Variants in KCNIP4 observed in about 807,000 individuals in gnomAD.
KCNIP4 encodes the protein Kv channel-interacting protein 4.
KCNIP4 carries 12 observed loss-of-function variants against 34.0 expected under a neutral mutation model. That is an observed-to-expected ratio of 0.35 (90% CI 0.23 to 0.57). KCNIP4 has a LOEUF of 0.57. Among genes scored for constraint, KCNIP4 ranks in the 20% least tolerant of loss-of-function variants. The pLI is 0.83. For missense variants in KCNIP4, 238 were observed against 311.7 expected, an observed-to-expected ratio of 0.76 and a Z score of 1.78; for synonymous variants, 124 against 102.2, an observed-to-expected ratio of 1.21 and a Z score of -1.29.
intron 1 of KCNIP4, among the ~76,000 whole-genome samples, chr4:21,877,583 C>T (rs974945809): frequency 6.6e-6 from 1 of 152,228 alleles, no homozygotes; most frequent in Middle Eastern, 3.4e-3. Flanking sequence ...AATGGCCACA[C>T]TGAATTTCCG....
intron 1 of KCNIP4, among the ~76,000 whole-genome samples, chr4:21,323,461 A>G (rs1714710374): frequency 1.3e-5 from 2 of 152,078 alleles, no homozygotes; most frequent in South Asian, 4.1e-4. Context: ...CTGTATCTTC[A>G]TGAGTTAAAT....
At chr4:21,247,576 T>C (rs550076023) in intron 1 of KCNIP4, among the ~76,000 whole-genome samples, 1 of 131,788 alleles carries the variant, frequency 7.6e-6, no homozygotes, top group African/African-American at 3.5e-5. Context: ...TAGATATAAA[T>C]ACATATATAT....
intron 1 of KCNIP4, among the ~76,000 whole-genome samples, chr4:20,973,312 A>G (rs78078503): frequency 0.024 from 3,674 of 152,308 alleles, 156 homozygotes; most frequent in African/African-American, 0.084. Flanking sequence ...TTCTTTCCTT[A>G]AACCTCATGA....
intron 1 of KCNIP4, among the ~76,000 whole-genome samples, chr4:21,207,052 T>A (rs1176027581): frequency 6.6e-6 from 1 of 152,228 alleles, no homozygotes; most frequent in East Asian, 1.9e-4. Context: ...TAGCATTTAC[T>A]TTCCTAGCCT....
intron 1 of KCNIP4, among the ~76,000 whole-genome samples, chr4:20,937,222 C>CTTTTTTTTT (rs397992488): frequency 2.2e-5 from 1 of 45,524 alleles, no homozygotes; most frequent in African/African-American, 8.4e-5. Flanking sequence ...CCCAAGGAGT[C>CTTTTTTTTT]TTTTTTTTTT....
chr4:20,911,110 T>C (rs1383371810), intron 1 of KCNIP4, among the ~76,000 whole-genome samples: 1 of 152,178 alleles, frequency 6.6e-6, no homozygotes, highest in African/African-American at 2.4e-5. Context: ...CAAATCTAGT[T>C]TGTTTTAGCT....
intron 1 of KCNIP4, among the ~76,000 whole-genome samples, chr4:21,771,760 T>C (rs775691085): frequency 1.4e-4 from 21 of 152,196 alleles, no homozygotes; most frequent in Admixed American, 1.4e-3. Context: ...ATGCTTGTGA[T>C]TTTTGCACAA....
intron 1 of KCNIP4, among the ~76,000 whole-genome samples, chr4:21,905,436 G>T (rs570527509): frequency 1.4e-4 from 21 of 152,034 alleles, no homozygotes; most frequent in African/African-American, 1.9e-4. Context: ...TTAAGTTTTA[G>T]GGTACATGTG....
intron 1 of KCNIP4, among the ~76,000 whole-genome samples, chr4:21,743,452 T>C (rs895898462): frequency 1.3e-5 from 2 of 151,398 alleles, no homozygotes; most frequent in African/African-American, 4.9e-5. Flanking sequence ...TACATCAGGC[T>C]CACCCAGGAA....
intron 3 of KCNIP4, among the ~76,000 whole-genome samples, chr4:20,803,470 CAAAAA>C (rs551176038): frequency 3.3e-4 from 28 of 85,872 alleles, no homozygotes; most frequent in Non-Finnish European, 4.4e-4. Context: ...TCATCTTTAC[CAAAAA>C]AAAAAAAAAA....
intron 3 of KCNIP4, among the ~76,000 whole-genome samples, chr4:20,780,866 TTGAA>T (rs1217357369): frequency 6.6e-6 from 1 of 152,218 alleles, no homozygotes; most frequent in Admixed American, 6.5e-5. Context: ...TTAAGATACT[TTGAA>T]TGGGTTTTTG....
intron 1 of KCNIP4, among the ~76,000 whole-genome samples, chr4:21,905,336 TTGAGTTA>T (rs1428237474): frequency 4.8e-4 from 73 of 152,294 alleles, no homozygotes; most frequent in African/African-American, 1.6e-3. Flanking sequence ...CAACTCTGCA[TTGAGTTA>T]TGCCAGTTTG....
intron 1 of KCNIP4, among the ~76,000 whole-genome samples, chr4:20,940,187 C>G (rs991888011): frequency 2.0e-5 from 3 of 152,182 alleles, no homozygotes; most frequent in Non-Finnish European, 4.4e-5. Context: ...CATTAAGGCA[C>G]AGCCCAGTCA....
intron 1 of KCNIP4, among the ~76,000 whole-genome samples, chr4:21,205,852 C>T (rs1376180211): frequency 6.6e-6 from 1 of 152,190 alleles, no homozygotes; most frequent in Non-Finnish European, 1.5e-5. Context: ...CTAGATTGGG[C>T]TTCAAAGCCC....
At chr4:21,149,532 G>A (rs1365718323) in intron 1 of KCNIP4, among the ~76,000 whole-genome samples, 3 of 152,136 alleles carry the variant, frequency 2.0e-5, no homozygotes, top group African/African-American at 4.8e-5. Flanking sequence ...TAGGAGTTCC[G>A]AGAAGTTGAT....
At chr4:20,935,055 T>C (rs1286720434) in intron 1 of KCNIP4, among the ~76,000 whole-genome samples, 1 of 152,190 alleles carries the variant, frequency 6.6e-6, no homozygotes, top group Non-Finnish European at 1.5e-5. Context: ...CATGTCTCCA[T>C]GTCTCCAAAT....
At chr4:21,762,073 A>G (rs573530350) in intron 1 of KCNIP4, among the ~76,000 whole-genome samples, 1 of 152,282 alleles carries the variant, frequency 6.6e-6, no homozygotes, top group Non-Finnish European at 1.5e-5. Context: ...CAAAAATATA[A>G]TATGTGCCAC....
In KCNIP4 at chr4:21,652,087, T is replaced by C. The variant is rs114641373; in HGVS notation, c.61+296484A>G. ...TACACCTCTAACACTTCTATATTTA[T>C]TTATTTGCTCATCCATCTAATCTTC... On this transcript the variant is annotated intron_variant, in intron 1 of 8. Coordinates refer to ENST00000382152, the MANE Select transcript of KCNIP4 (RefSeq NM_025221.6). Among the ~76,000 whole-genome samples the C allele has an allele frequency of 3.6e-3, 553 of 152,284 alleles. 3 individuals are homozygous for C. Among genetic ancestry groups the C allele is most frequent in the African/African-American group, 0.013 (530 of 41,574 alleles).
intron 1 of KCNIP4, among the ~76,000 whole-genome samples, chr4:20,910,697 A>G (rs925599801): frequency 6.6e-5 from 10 of 152,174 alleles, no homozygotes; most frequent in African/African-American, 2.2e-4. Flanking sequence ...TGTCTTACCA[A>G]GGTTATCCAT....
Sources: allele counts gnomAD v4.1 joint callset (sites outside exome capture counted in the v4.1 genomes callset), GRCh38; gene constraint gnomAD v4.1.1; transcripts MANE v1.5; gene names NCBI Gene and HGNC (gene_info 2026-07-23, HGNC 2026-07-21).